The following PMM2 variants were observed in gnomAD, a reference collection of about 807,000 sequenced individuals.
The protein encoded by PMM2 is phosphomannomutase 2, also known as mannose-6-phosphate isomerase.
PMM2 carries 35 observed loss-of-function variants against 33.2 expected under a neutral mutation model. The observed-to-expected ratio is 1.06, with a 90% confidence interval of 0.81 to 1.40. The LOEUF (loss-of-function observed/expected upper bound fraction) is 1.40. Ranked by LOEUF, PMM2 falls within the 40% of genes most tolerant of loss-of-function variation. PMM2 has a pLI of 0.00. For synonymous variants in PMM2, 153 were observed against 114.7 expected (o/e 1.33, Z -2.13); for missense variants, 386 against 306.0 (o/e 1.26, Z -1.95).
intron 2 of PMM2, among the ~76,000 whole-genome samples, chr16:8,802,664 A>G (rs2060622815): frequency 6.6e-6 from 1 of 151,970 alleles, no homozygotes; most frequent in African/African-American, 2.4e-5. Context: ...CCCCATTTCT[A>G]CTAAAACTAC....
intron 7 of PMM2, among the ~76,000 whole-genome samples, chr16:8,845,364 C>G (rs539640347): frequency 1.3e-5 from 2 of 152,090 alleles, no homozygotes; most frequent in East Asian, 1.9e-4. Flanking sequence ...ATTTTTACTT[C>G]TTTTGTGGAT....
rs2060935661 is a variant in PMM2 at position 8,847,590 on chromosome 16, A to G, written c.640-134A>G. 5 of 715,648 alleles carry G rather than the reference A, an allele frequency of 7.0e-6. No individual in the cohort carries two copies. In the Admixed American group the frequency reaches 7.9e-5, roughly 11 times the overall value. 44.3% of individuals were successfully genotyped at this position (715,648 alleles called of 1,614,324 possible). On this transcript the variant is annotated intron_variant, in intron 7 of 7. Transcript: ENST00000268261. ...TCACGTTCCTCTCCTGGAAACTAAG[A>G]GGAAGGTAGCTGAAGAAACTCTCCC...
chr16:8,828,541 C>G (rs965065895), intron 7 of PMM2, among the ~76,000 whole-genome samples: 2 of 152,182 alleles, frequency 1.3e-5, no homozygotes, highest in Admixed American at 6.5e-5. Flanking sequence ...TCCTCTCAGA[C>G]CAGCTACCGA....
At chr16:8,825,976 G>A (rs933381851) in intron 7 of PMM2, among the ~76,000 whole-genome samples, 32 of 152,020 alleles carry the variant, frequency 2.1e-4, no homozygotes, top group Non-Finnish European at 3.8e-4. Flanking sequence ...GGCTGGTTTC[G>A]AACTTCTGAC....
Position 8,816,922 on chromosome 16 carries a change from A to C in PMM2, c.639+3816A>C, listed in dbSNP as rs190175958. On this transcript the variant is annotated intron_variant, in intron 7 of 7. Coordinates refer to ENST00000268261, the MANE Select transcript of PMM2 (RefSeq NM_000303.3). ...GAGATATATATCCAAAATAATTGAA[A>C]TCAGGATCACAAAGAGATACCTGCT... Among the ~76,000 whole-genome samples the C allele has an allele frequency of 1.6e-4, 25 of 152,276 alleles. No individual in the cohort carries two copies. In the East Asian group the frequency reaches 4.4e-3, roughly 27 times the overall value.
chr16:8,804,295 G>A (rs946707016), intron 2 of PMM2, among the ~76,000 whole-genome samples: 5 of 152,052 alleles, frequency 3.3e-5, no homozygotes, highest in Non-Finnish European at 5.9e-5. Flanking sequence ...GCCAGCCTCA[G>A]CCTCCCAAAG....
At chr16:8,827,732 A>T (rs1480260918) in intron 7 of PMM2, among the ~76,000 whole-genome samples, 1 of 15,064 alleles carries the variant, frequency 6.6e-5, no homozygotes, top group Non-Finnish European at 1.7e-4. Flanking sequence ...ATATATATAT[A>T]TATATATATA....
intron 7 of PMM2, chr16:8,832,769 C>T (rs372128897): frequency 1.0e-6 from 1 of 984,272 alleles, no homozygotes; most frequent in South Asian, 4.7e-5. Flanking sequence ...CAGGTGCTTA[C>T]CACAATCTGT....
chr16:8,828,558 C>T (rs924412831), intron 7 of PMM2, among the ~76,000 whole-genome samples: 2 of 152,128 alleles, frequency 1.3e-5, no homozygotes, highest in African/African-American at 4.8e-5. Flanking sequence ...CCGACATGAA[C>T]CCAAAAATTC....
intron 7 of PMM2, chr16:8,831,999 A>G (rs574958893): frequency 3.2e-6 from 1 of 308,768 alleles, no homozygotes; most frequent in East Asian, 1.7e-4. Flanking sequence ...ACTAGAATCA[A>G]GTAACCTTTA....
At chr16:8,834,128 T>C (rs902149444) in intron 7 of PMM2, among the ~76,000 whole-genome samples, 1 of 152,210 alleles carries the variant, frequency 6.6e-6, no homozygotes, top group Non-Finnish European at 1.5e-5. Flanking sequence ...ACATGGGCTG[T>C]ACCTTGTAGC....
intron 7 of PMM2, among the ~76,000 whole-genome samples, chr16:8,842,537 G>T (rs1464757440): frequency 6.6e-6 from 1 of 152,210 alleles, no homozygotes; most frequent in Admixed American, 6.5e-5. Context: ...GAGAGGCTGG[G>T]ACAAGGGGTG....
At position 8,833,051 on chromosome 16, in the gene PMM2, G is replaced by A. The variant is rs569146466; in HGVS notation, c.640-14673G>A. ...CTGGCGGGTAGAGGGTTTCGTGCGC[G>A]TCCGTGTGAAGAGACCACCAAACGG... On this transcript the variant is annotated intron_variant, in intron 7 of 7. Transcript: ENST00000268261. 599 of 318,042 alleles carry A rather than the reference G, an allele frequency of 1.9e-3. 1 individual carries two copies. Among genetic ancestry groups the A allele is most frequent in the Non-Finnish European group, 2.5e-3 (554 of 219,496 alleles). 19.7% of individuals were successfully genotyped at this position (318,042 alleles called of 1,614,324 possible).
At chr16:8,827,757 TATATGCACACATTTATA>T (rs2060779704) in intron 7 of PMM2, among the ~76,000 whole-genome samples, 1 of 95,862 alleles carries the variant, frequency 1.0e-5, no homozygotes, top group Non-Finnish European at 2.0e-5. Context: ...TATATATATA[TATATGCACACATTTATA>T]TATATATATT....
At chr16:8,813,139 T>C in intron 7 of PMM2, 33 bp downstream of exon 7, 1 of 1,322,094 alleles carries the variant, frequency 7.6e-7, no homozygotes, top group Non-Finnish European at 1.1e-6. Context: ...ACCTTCATTG[T>C]TGCATTTGCG....
At position 8,811,780 on chromosome 16, in the gene PMM2, G is replaced by C. The variant is rs907609939; in HGVS notation, c.523+67G>C. 5 of 1,051,556 alleles carry C rather than the reference G, an allele frequency of 4.8e-6. No homozygotes were observed. The African/African-American group carries it at 6.2e-5, about 13-fold the overall frequency. The allele number at this position is 1,051,556 out of a possible 1,614,324, so 65.1% of individuals were successfully genotyped here. A position where few individuals can be genotyped will look rare whatever the true frequency, so the allele number is the denominator to read the frequency against. On this transcript the variant is annotated intron_variant, in intron 6 of 7. Coordinates refer to ENST00000268261, the MANE Select transcript of PMM2 (RefSeq NM_000303.3). The stretch of plus-strand genomic sequence containing the variant: ...TTCCCAGAGTTTGTTGTGGGCCAGT[G>C]AGCTATTGATAATGAAGTATGTGCA...
chr16:8,847,508 C>T, intron 7 of PMM2: 1 of 570,478 alleles, frequency 1.8e-6, no homozygotes, highest in Non-Finnish European at 3.2e-6. Flanking sequence ...TTACGTGTTC[C>T]AAGCCAAATT....
At chr16:8,844,000 C>T (rs1024240896) in intron 7 of PMM2, among the ~76,000 whole-genome samples, 1 of 152,020 alleles carries the variant, frequency 6.6e-6, no homozygotes, top group African/African-American at 2.4e-5. Flanking sequence ...GGCACAGAGA[C>T]TAGGAAGGGA....
At chr16:8,817,861 C>T (rs562602558) in intron 7 of PMM2, among the ~76,000 whole-genome samples, 55 of 151,400 alleles carry the variant, frequency 3.6e-4, no homozygotes, top group South Asian at 1.0e-3. Context: ...TTTCTCTTAA[C>T]GTATTTTATT....
Sources: allele counts gnomAD v4.1 joint callset (sites outside exome capture counted in the v4.1 genomes callset), GRCh38; gene constraint gnomAD v4.1.1; transcripts MANE v1.5; gene names NCBI Gene and HGNC (gene_info 2026-07-23, HGNC 2026-07-21).